Variants in GRP observed in about 807,000 individuals in gnomAD.
The protein encoded by GRP is gastrin-releasing peptide.
Under a neutral mutation model 12.7 loss-of-function variants are expected in GRP, and 11 were observed. That is an observed-to-expected ratio of 0.87 (90% CI 0.55 to 1.44). The LOEUF (loss-of-function observed/expected upper bound fraction) is 1.44, where lower values mean the gene tolerates loss of function less well. Ranked by LOEUF, GRP falls within the 40% of genes most tolerant of loss-of-function variation. The pLI, the probability that GRP is intolerant of heterozygous loss-of-function variation, is 0.00. For missense variants in GRP, 212 were observed against 185.4 expected (o/e 1.14, Z -0.83); for synonymous variants, 84 against 77.7 (o/e 1.08, Z -0.43).
At chr18:59,223,843 C>T (rs17065643) in intron 1 of GRP, among the ~76,000 whole-genome samples, 4,991 of 152,242 alleles carry the variant, frequency 0.033, 108 homozygotes, top group African/African-American at 0.061. Flanking sequence ...CAAGCTGATA[C>T]GTGAGGAGCC....
intron 1 of GRP, among the ~76,000 whole-genome samples, chr18:59,221,767 C>T (rs913689182): frequency 7.2e-5 from 11 of 151,998 alleles, no homozygotes; most frequent in African/African-American, 2.7e-4. Flanking sequence ...TTCCTCAGCT[C>T]GTCTGTGTCG....
Position 59,225,751 on chromosome 18 carries a change from T to A in GRP, c.382+17T>A, listed in dbSNP as rs757590458. The stretch of plus-strand genomic sequence containing the variant: ...AAGGCAAAGGTAAAAGAAACATACA[T>A]GCAAGATGGGGTGGGAGGTATCTGG... On this transcript the variant is annotated intron_variant, in intron 2 of 2. Coordinates refer to ENST00000256857, the MANE Select transcript of GRP (RefSeq NM_002091.5). The A allele has an allele frequency of 2.5e-6, 4 of 1,611,756 alleles. No individual in the cohort carries two copies. The highest frequency in any genetic ancestry group is 3.4e-6 in the Non-Finnish European group (4 of 1,178,572).
intron 1 of GRP, among the ~76,000 whole-genome samples, chr18:59,225,278 C>T (rs1227856760): frequency 6.6e-6 from 1 of 152,282 alleles, no homozygotes; most frequent in Non-Finnish European, 1.5e-5. Flanking sequence ...TCCTGGGTTG[C>T]AGTTCTGAAT....
intron 2 of GRP, among the ~76,000 whole-genome samples, 192 bp from the exon 3 acceptor site, chr18:59,230,212 C>CAGGG (rs2070009452): frequency 6.6e-6 from 1 of 152,168 alleles, no homozygotes; most frequent in African/African-American, 2.4e-5. Context: ...GAATCACCTG[C>CAGGG]AGGGCTTGTG....
chr18:59,225,758 T>C (rs1031699595), intron 2 of GRP, 24 bp downstream of exon 2: 3 of 1,610,580 alleles, frequency 1.9e-6, no homozygotes, highest in Non-Finnish European at 2.5e-6. Context: ...ACATGCAAGA[T>C]GGGGTGGGAG....
chr18:59,222,395 T>G (rs1416699640), intron 1 of GRP, among the ~76,000 whole-genome samples: 1 of 152,210 alleles, frequency 6.6e-6, no homozygotes, highest in African/African-American at 2.4e-5. Flanking sequence ...CAAATACCAT[T>G]TTCATATTTA....
At chr18:59,226,851 C>T (rs2144108002) in intron 2 of GRP, among the ~76,000 whole-genome samples, 1 of 152,340 alleles carries the variant, frequency 6.6e-6, no homozygotes, top group Non-Finnish European at 1.5e-5. Context: ...GCTGCCTTTG[C>T]CAAGCCTCGG....
Position 59,220,307 on chromosome 18 carries a change from C to A in GRP, c.42C>A (p.Val14=). The change falls in exon 1 of 3, where the codon GTC becomes GTA. Residue 14 remains valine (V), a synonymous_variant. Coordinates refer to ENST00000256857, the MANE Select transcript of GRP (RefSeq NM_002091.5). ...RELPLVLLAL[V]LCLAPRGRAV... ...TCCCGCTGGTCCTGCTGGCGCTGGT[C>A]CTCTGCCTGGCGCCCCGGGGGCGAG... 1 of 1,505,322 alleles carries A rather than the reference C, an allele frequency of 6.6e-7. No individual in the cohort carries two copies. Among genetic ancestry groups the A allele is most frequent in the Non-Finnish European group, 8.8e-7 (1 of 1,130,844 alleles). 93.2% of individuals were successfully genotyped at this position (1,505,322 alleles called of 1,614,324 possible).
chr18:59,224,907 T>C (rs2069891085), intron 1 of GRP, among the ~76,000 whole-genome samples: 1 of 152,238 alleles, frequency 6.6e-6, no homozygotes, highest in African/African-American at 2.4e-5. Flanking sequence ...GTTTTCTCAG[T>C]TCAGTCTCAA....
At chr18:59,227,124 T>C (rs2069955928) in intron 2 of GRP, among the ~76,000 whole-genome samples, 1 of 150,388 alleles carries the variant, frequency 6.6e-6, no homozygotes, top group Non-Finnish European at 1.5e-5. Flanking sequence ...AAGGACTGGC[T>C]ATGTTGCCCA....
chr18:59,224,639 C>A lies in GRP; in HGVS notation c.140-853C>A, dbSNP rs80271874. 7.9e-3 allele frequency among the ~76,000 whole-genome samples: 1,209 copies of A among 152,256 alleles called. 14 individuals carry two copies. Among genetic ancestry groups the A allele is most frequent in the African/African-American group, 0.028 (1,156 of 41,540 alleles). ...GGTCTAAAGTGTTAAGAATGCAGAC[C>A]TTGAATTCTGTACCCACTTCTGACT... On this transcript the variant is annotated intron_variant, in intron 1 of 2. Coordinates refer to ENST00000256857, the MANE Select transcript of GRP (RefSeq NM_002091.5).
At chr18:59,228,599 C>T (rs189301474) in intron 2 of GRP, among the ~76,000 whole-genome samples, 14 of 152,310 alleles carry the variant, frequency 9.2e-5, no homozygotes, top group Non-Finnish European at 1.2e-4. Context: ...CTAGATTGCT[C>T]GACCATGGAA....
intron 1 of GRP, among the ~76,000 whole-genome samples, chr18:59,220,857 G>T (rs2144094908): frequency 6.6e-6 from 1 of 152,246 alleles, no homozygotes; most frequent in African/African-American, 2.4e-5. Flanking sequence ...ACAGCGACTG[G>T]CATGGGCTGA....
intron 1 of GRP, among the ~76,000 whole-genome samples, chr18:59,223,386 G>T (rs187919419): frequency 6.6e-6 from 1 of 152,180 alleles, no homozygotes; most frequent in African/African-American, 2.4e-5. Context: ...TACAGATAGC[G>T]TGCTCTCCTT....
chr18:59,221,337 G>C (rs2069830174), intron 1 of GRP, among the ~76,000 whole-genome samples: 1 of 152,234 alleles, frequency 6.6e-6, no homozygotes. Context: ...ATTCCGCCCT[G>C]CGCGCACTCG....
chr18:59,221,300 C>CGCCTGCGGGTGG (rs2069829544), intron 1 of GRP, among the ~76,000 whole-genome samples: 1 of 152,134 alleles, frequency 6.6e-6, no homozygotes, highest in East Asian at 1.9e-4. Context: ...GCTGCGGGTG[C>CGCCTGCGGGTGG]GGAGGGCGCC....
rs758744205 is a variant in GRP at position 59,225,674 on chromosome 18, C to A, written c.322C>A (p.Gln108Lys). Residue 108 changes from glutamine to lysine, a missense_variant, in exon 2 of 3, where the codon CAG (glutamine) becomes AAG (lysine). Physicochemically the swap from Gln to Lys is moderately conservative, Grantham distance 53 (BLOSUM62 1). Coordinates refer to ENST00000256857, the MANE Select transcript of GRP (RefSeq NM_002091.5). The stretch of plus-strand genomic sequence containing the variant: ...TCAACCCAAGGCCCTGGGCAATCAG[C>A]AGCCTTCGTGGGATTCAGAGGATAG... ...PPQPKALGNQ[Q>K]PSWDSEDSSN... 5 of 1,613,826 alleles carry A rather than the reference C, an allele frequency of 3.1e-6. No homozygotes were observed. In the South Asian group the frequency reaches 5.5e-5, roughly 18 times the overall value.
upstream of GRP, among the ~76,000 whole-genome samples, chr18:59,219,978 G>C (rs1046013642): frequency 6.6e-6 from 1 of 152,300 alleles, no homozygotes; most frequent in Admixed American, 6.5e-5. Flanking sequence ...AAAAAGAGGG[G>C]GCAATGTACA....
chr18:59,222,939 G>C (rs2069858913), intron 1 of GRP, among the ~76,000 whole-genome samples: 1 of 152,156 alleles, frequency 6.6e-6, no homozygotes, highest in South Asian at 2.1e-4. Flanking sequence ...TTCTAACTTG[G>C]ACGTGAGACA....
Sources: gnomAD v4.1 joint callset for allele counts (sites outside exome capture counted in the v4.1 genomes callset) on GRCh38, gnomAD v4.1.1 for gene constraint, MANE v1.5 for transcripts, NCBI Gene and HGNC (gene_info 2026-07-23, HGNC 2026-07-21) for gene names.